The following SEMA3A variants were observed in gnomAD, a reference collection of about 807,000 sequenced individuals.
SEMA3A encodes semaphorin-3A.
A neutral mutation model predicts 97.9 loss-of-function variants in SEMA3A; 29 were observed. The observed-to-expected ratio is 0.30, with a 90% CI of 0.22 to 0.40. The LOEUF is 0.40. Ranked by LOEUF, SEMA3A falls within the 10% of genes least tolerant of loss-of-function variation. The probability of loss-of-function intolerance (pLI) is 1.00; values close to 1 mark genes in which losing one functional copy is unlikely to be tolerated. For missense variants in SEMA3A, 763 were observed against 951.3 expected (o/e 0.80, Z 2.60); for synonymous variants, 321 against 323.7 (o/e 0.99, Z 0.09).
intron 1 of SEMA3A, among the ~76,000 whole-genome samples, chr7:84,485,154 T>G (rs1375875558): frequency 1.3e-5 from 2 of 152,190 alleles, no homozygotes; most frequent in Non-Finnish European, 2.9e-5. Flanking sequence ...CTTTTCCATA[T>G]TTACTAACAT....
chr7:84,255,740 T>C (rs549829226), intron 3 of SEMA3A, among the ~76,000 whole-genome samples: 1 of 152,164 alleles, frequency 6.6e-6, no homozygotes, highest in South Asian at 2.1e-4. Context: ...AAATGGCATA[T>C]AGATTAGTAG....
At chr7:84,428,286 T>C (rs764170572) in intron 1 of SEMA3A, among the ~76,000 whole-genome samples, 47 of 152,192 alleles carry the variant, frequency 3.1e-4, no homozygotes, top group Non-Finnish European at 5.1e-4. Flanking sequence ...TTTGGGAATA[T>C]CTCTTTAGCA....
intron 1 of SEMA3A, among the ~76,000 whole-genome samples, chr7:84,489,446 C>T (rs1806663824): frequency 6.6e-6 from 1 of 152,104 alleles, no homozygotes; most frequent in South Asian, 2.1e-4. Context: ...ACACTATCTA[C>T]TTCATTGGAC....
chr7:84,373,486 AAT>A (rs1220349313), intron 1 of SEMA3A, among the ~76,000 whole-genome samples: 1 of 152,180 alleles, frequency 6.6e-6, no homozygotes, highest in Non-Finnish European at 1.5e-5. Flanking sequence ...TTTCTGAAAT[AAT>A]ATGAGATCAG....
At chr7:84,393,306 T>C (rs2116182494) in intron 1 of SEMA3A, among the ~76,000 whole-genome samples, 1 of 152,262 alleles carries the variant, frequency 6.6e-6, no homozygotes, top group Middle Eastern at 3.4e-3. Flanking sequence ...AGAGTCTTTT[T>C]TCCATTGTTT....
intron 3 of SEMA3A, among the ~76,000 whole-genome samples, chr7:84,242,985 G>T (rs565790774): frequency 6.6e-6 from 1 of 152,282 alleles, no homozygotes; most frequent in East Asian, 1.9e-4. Context: ...AACCAGGCTT[G>T]CATCCCAGGG....
intron 2 of SEMA3A, among the ~76,000 whole-genome samples, chr7:84,345,453 T>C (rs13229893): frequency 6.6e-6 from 1 of 152,184 alleles, no homozygotes; most frequent in East Asian, 1.9e-4. Context: ...CTCTGTACCA[T>C]GCAAAGCTGT....
chr7:84,444,465 AT>A (rs369147483), intron 1 of SEMA3A, among the ~76,000 whole-genome samples: 8 of 151,306 alleles, frequency 5.3e-5, no homozygotes, highest in African/African-American at 1.7e-4. Flanking sequence ...AAACAAATTA[AT>A]TTTTTTCTTT....
chr7:84,301,049 A>G (rs756365462), intron 3 of SEMA3A, among the ~76,000 whole-genome samples: 1 of 152,130 alleles, frequency 6.6e-6, no homozygotes, highest in Non-Finnish European at 1.5e-5. Flanking sequence ...AAAAAATTCA[A>G]TAAAAATTCA....
intron 3 of SEMA3A, among the ~76,000 whole-genome samples, chr7:84,257,782 A>G (rs1799751536): frequency 6.6e-6 from 1 of 152,194 alleles, no homozygotes; most frequent in Admixed American, 6.5e-5. Context: ...ATTGTGGCAA[A>G]AAGTATATGT....
At chr7:84,190,753 A>G (rs1798014789) in intron 1 of SEMA3A, among the ~76,000 whole-genome samples, 1 of 148,498 alleles carries the variant, frequency 6.7e-6, no homozygotes, top group South Asian at 2.1e-4. Context: ...ACACATATAT[A>G]TAATTTAAAA....
At chr7:84,165,686 G>C (rs1176311598) in intron 1 of SEMA3A, among the ~76,000 whole-genome samples, 3 of 152,036 alleles carry the variant, frequency 2.0e-5, no homozygotes, top group Admixed American at 1.3e-4. Context: ...CCGAGTAGCT[G>C]AGATTACAGG....
intron 1 of SEMA3A, among the ~76,000 whole-genome samples, chr7:84,148,841 T>C (rs1219334316): frequency 6.6e-6 from 1 of 152,210 alleles, no homozygotes; most frequent in Non-Finnish European, 1.5e-5. Flanking sequence ...TTCTTCCTAA[T>C]AACTTTCTTA....
At chr7:84,335,298 G>T (rs1418647006) in intron 2 of SEMA3A, among the ~76,000 whole-genome samples, 2 of 152,004 alleles carry the variant, frequency 1.3e-5, no homozygotes, top group Non-Finnish European at 2.9e-5. Context: ...CAAAAAACAT[G>T]AGTTTTACAA....
rs746014457 is a variant in SEMA3A at position 83,985,473 on chromosome 7, G to A, written c.1457C>T (p.Pro486Leu). 3.9e-5 allele frequency: 63 copies of A among 1,607,336 alleles called. 1 individual carries two copies. The highest frequency in any genetic ancestry group is 3.4e-4 in the South Asian group (31 of 90,682). The change falls in exon 13 of 17, where the codon CCG (proline) becomes CTG (leucine). Residue 486 changes from proline to leucine, a missense_variant. By Grantham distance (98) the Pro-to-Leu change is moderately conservative. Transcript: ENST00000265362. ...AAGCTCCATTGCTGAAATAGCAGTCGGTTCCTAAAGGAGAAAAAGAAATAT... is the reference window on the plus strand; with the variant it reads ...AAGCTCCATTGCTGAAATAGCAGTCAGTTCCTAAAGGAGAAAAAGAAATAT... Reference protein sequence around the residue: ...LLEEMTVFREPTAISAMELST... With the variant: ...LLEEMTVFRELTAISAMELST...
At position 84,433,985 on chromosome 7, in the gene SEMA3A, T is replaced by C. The variant is rs1805054094; in HGVS notation, c.-246+58475A>G. On this transcript the variant is annotated intron_variant, in intron 1 of 3. Transcript: ENST00000424555. ...TTCTGGATATTAGCCCTTTGTCTGA[T>C]GGACAGATTGTAAAAACTTTCTCCC... is the stretch of plus-strand genomic sequence containing the variant. Among the ~76,000 whole-genome samples the C allele has an allele frequency of 1.3e-5, 2 of 152,300 alleles. 1 individual carries two copies. The highest frequency in any genetic ancestry group is 1.3e-4 in the Admixed American group (2 of 15,300).
At chr7:84,364,678 CAA>C (rs1802802857) in intron 2 of SEMA3A, among the ~76,000 whole-genome samples, 1 of 151,304 alleles carries the variant, frequency 6.6e-6, no homozygotes, top group Non-Finnish European at 1.5e-5. Context: ...CACTTTATTT[CAA>C]TTAATTATAG....
At chr7:84,357,886 G>C (rs1802609062) in intron 2 of SEMA3A, among the ~76,000 whole-genome samples, 2 of 152,028 alleles carry the variant, frequency 1.3e-5, no homozygotes, top group Non-Finnish European at 2.9e-5. Context: ...CTGATGGCCA[G>C]GGATGATGAG....
intron 2 of SEMA3A, among the ~76,000 whole-genome samples, chr7:84,130,156 T>A (rs1795922477): frequency 6.6e-6 from 1 of 152,050 alleles, no homozygotes. Flanking sequence ...GGGAAAAAAG[T>A]CATATATAAA....
Sources: allele counts gnomAD v4.1 joint callset (sites outside exome capture counted in the v4.1 genomes callset), GRCh38; gene constraint gnomAD v4.1.1; transcripts MANE v1.5; gene names NCBI Gene and HGNC (gene_info 2026-07-23, HGNC 2026-07-21).